EFHC2: variants seen among roughly 807,000 people sequenced by gnomAD.
EFHC2 encodes EF-hand domain-containing family member C2.
A neutral mutation model predicts 52.7 loss-of-function variants in EFHC2; 18 were observed. That is an observed-to-expected ratio of 0.34 (90% CI 0.24 to 0.51). The LOEUF is 0.51. EFHC2 is among the 20% of genes least tolerant of loss of function. EFHC2 has a pLI of 0.97. For synonymous variants in EFHC2, 203 were observed against 204.1 expected (o/e 0.99, Z 0.04); for missense variants, 513 against 562.5 (o/e 0.91, Z 0.89).
chrX:44,193,100 T>C (rs183282375), intron 11 of EFHC2, among the ~76,000 whole-genome samples: 13 of 111,510 alleles, frequency 1.2e-4, no homozygotes, highest in African/African-American at 3.9e-4. Flanking sequence ...GCCTGTTACC[T>C]GGAGGCTTCA....
chrX:44,161,645 G>C (rs2036655943), intron 14 of EFHC2, among the ~76,000 whole-genome samples: 1 of 112,052 alleles, frequency 8.9e-6, no homozygotes, highest in African/African-American at 3.2e-5. Context: ...GGCAGGGTCA[G>C]AGCACGGTAG....
At chrX:44,309,387 A>C in intron 2 of EFHC2, 2 of 904,818 alleles carry the variant, frequency 2.2e-6, no homozygotes, top group Non-Finnish European at 3.2e-6. Flanking sequence ...ATACTCGCCT[A>C]CTCTCCTCTC....
intron 2 of EFHC2, chrX:44,309,768 A>T: frequency 1.0e-6 from 1 of 991,523 alleles, no homozygotes; most frequent in Non-Finnish European, 1.4e-6. Flanking sequence ...CAAAAGAACC[A>T]GAAAAGAAGA....
intron 1 of EFHC2, among the ~76,000 whole-genome samples, chrX:44,323,947 G>C (rs1464940261): frequency 1.8e-5 from 2 of 111,131 alleles, no homozygotes; most frequent in African/African-American, 6.5e-5. Context: ...GGAGTTGATA[G>C]TTTAAATTTG....
chrX:44,299,641 C>T (rs1339063786), intron 2 of EFHC2, among the ~76,000 whole-genome samples: 1 of 111,439 alleles, frequency 9.0e-6, no homozygotes, highest in African/African-American at 3.3e-5. Flanking sequence ...CAAGCTGTAC[C>T]CCGACCACCT....
chrX:44,200,827 C>A (rs2037001346), intron 11 of EFHC2, among the ~76,000 whole-genome samples: 1 of 111,279 alleles, frequency 9.0e-6, no homozygotes, highest in African/African-American at 3.3e-5. Flanking sequence ...AGAAAGACAG[C>A]CAGAGGGAAT....
intron 11 of EFHC2, among the ~76,000 whole-genome samples, chrX:44,187,149 A>ATG (rs2036882654): frequency 1.0e-5 from 1 of 97,598 alleles, no homozygotes; most frequent in South Asian, 4.7e-4. Flanking sequence ...ATATATATAT[A>ATG]TATGGGCTTT....
intron 11 of EFHC2, among the ~76,000 whole-genome samples, chrX:44,211,370 A>G (rs1410707003): frequency 9.0e-6 from 1 of 110,539 alleles, no homozygotes; most frequent in Non-Finnish European, 1.9e-5. Flanking sequence ...TTTACTAAAA[A>G]TACAAAAATT....
At chrX:44,307,933 C>G (rs772432988) in intron 2 of EFHC2, among the ~76,000 whole-genome samples, 32 of 92,683 alleles carry the variant, frequency 3.5e-4, no homozygotes, top group African/African-American at 1.3e-3. Context: ...GACTTTGTCT[C>G]AAAAAAAAAA....
chrX:44,213,018 A>G (rs1483728444), intron 11 of EFHC2, among the ~76,000 whole-genome samples: 2 of 109,006 alleles, frequency 1.8e-5, no homozygotes, highest in Non-Finnish European at 3.8e-5. Context: ...CCTGGCCCAC[A>G]GTTCCTTTCA....
chrX:44,187,513 GTCTGTA>G (rs201869353), intron 11 of EFHC2, among the ~76,000 whole-genome samples: 3,340 of 110,707 alleles, frequency 0.03, 127 homozygotes, highest in African/African-American at 0.1. Context: ...ATAAACATTT[GTCTGTA>G]TTTACAATTA....
chrX:44,299,544 T>C (rs745985554), intron 2 of EFHC2, among the ~76,000 whole-genome samples: 6 of 111,569 alleles, frequency 5.4e-5, no homozygotes, highest in Non-Finnish European at 9.4e-5. Context: ...TCCCCGGCTT[T>C]GTGTTGGCCC....
intron 11 of EFHC2, among the ~76,000 whole-genome samples, chrX:44,213,734 G>C (rs745623352): frequency 1.8e-5 from 2 of 111,656 alleles, no homozygotes; most frequent in Non-Finnish European, 3.8e-5. Flanking sequence ...GATTGTACAC[G>C]TTTCTCATCA....
chrX:44,287,332 A>G (rs1156539404), intron 2 of EFHC2, among the ~76,000 whole-genome samples: 2 of 111,823 alleles, frequency 1.8e-5, no homozygotes, highest in Admixed American at 1.9e-4. Flanking sequence ...TACTTTTCCA[A>G]CCTGCTCCTC....
At chrX:44,183,716 AT>A (rs2036852899) in intron 11 of EFHC2, among the ~76,000 whole-genome samples, 1 of 111,961 alleles carries the variant, frequency 8.9e-6, no homozygotes, top group Admixed American at 9.5e-5. Context: ...GGGCACAGTT[AT>A]AGACTTGTGG....
chrX:44,200,699 G>T (rs1356945621), intron 11 of EFHC2, among the ~76,000 whole-genome samples: 3 of 111,742 alleles, frequency 2.7e-5, no homozygotes, highest in African/African-American at 9.7e-5. Flanking sequence ...AAGGAAAACA[G>T]GCAAAATGAA....
intron 1 of EFHC2, among the ~76,000 whole-genome samples, chrX:44,337,150 G>A (rs974562307): frequency 2.2e-4 from 24 of 111,298 alleles, no homozygotes; most frequent in Non-Finnish European, 3.6e-4. Context: ...GATATAAACA[G>A]AAATAACTTG....
chrX:44,279,920 C>T (rs1030960289), intron 2 of EFHC2, among the ~76,000 whole-genome samples: 1 of 109,529 alleles, frequency 9.1e-6, no homozygotes, highest in African/African-American at 3.3e-5. Context: ...TAGTTCTCAC[C>T]CTGGCTACAC....
intron 9 of EFHC2, 51 bp downstream of exon 9, chrX:44,235,254 G>A (rs1401114643): frequency 1.7e-5 from 17 of 1,009,205 alleles, no homozygotes; most frequent in Non-Finnish European, 2.2e-5. Flanking sequence ...TCAACATGAA[G>A]AGACACTTAA....
Sources: gnomAD v4.1 joint callset for allele counts (sites outside exome capture counted in the v4.1 genomes callset) on GRCh38, gnomAD v4.1.1 for gene constraint, MANE v1.5 for transcripts, NCBI Gene and HGNC (gene_info 2026-07-23, HGNC 2026-07-21) for gene names.